Variants in SPIRE1 observed in about 807,000 individuals in gnomAD.
The protein encoded by SPIRE1 is protein spire homolog 1.
A neutral mutation model predicts 94.1 loss-of-function variants in SPIRE1; 40 were observed. That is an observed-to-expected ratio of 0.43 (90% CI 0.33 to 0.55). SPIRE1 has a LOEUF of 0.55. SPIRE1 is among the 20% of genes least tolerant of loss of function. The pLI is 0.06. For synonymous variants in SPIRE1, 376 were observed against 371.7 expected (o/e 1.01, Z -0.13); for missense variants, 838 against 975.2 (o/e 0.86, Z 1.87).
intron 10 of SPIRE1, among the ~76,000 whole-genome samples, chr18:12,475,319 T>C (rs2032520498): frequency 6.6e-6 from 1 of 152,202 alleles, no homozygotes; most frequent in African/African-American, 2.4e-5. Context: ...ACTTCTGTAG[T>C]GTCCAGTCAC....
chr18:12,485,394 C>A (rs559048891), intron 9 of SPIRE1, among the ~76,000 whole-genome samples: 1 of 152,146 alleles, frequency 6.6e-6, no homozygotes, highest in South Asian at 2.1e-4. Context: ...CGTGAGCCAC[C>A]GCGCCCGGCC....
intron 2 of SPIRE1, among the ~76,000 whole-genome samples, chr18:12,603,587 T>A (rs1429572415): frequency 6.6e-6 from 1 of 151,608 alleles, no homozygotes; most frequent in African/African-American, 2.4e-5. Flanking sequence ...TTTTTTTTTT[T>A]TTTTTGAGAT....
chr18:12,535,636 T>C, intron 3 of SPIRE1, 35 bp from the exon 4 acceptor site: 2 of 1,591,708 alleles, frequency 1.3e-6, no homozygotes, highest in South Asian at 1.1e-5. Context: ...TGGTGCTTGG[T>C]TACTATTTGG....
chr18:12,642,060 GA>G (rs2038101766), intron 1 of SPIRE1, among the ~76,000 whole-genome samples: 1 of 152,026 alleles, frequency 6.6e-6, no homozygotes, highest in Admixed American at 6.6e-5. Context: ...TCAATCTCCT[GA>G]CCTTGTGATC....
chr18:12,556,059 A>G (rs1351027739), intron 2 of SPIRE1, among the ~76,000 whole-genome samples: 2 of 152,178 alleles, frequency 1.3e-5, no homozygotes, highest in Admixed American at 1.3e-4. Context: ...CAAGAAAGTA[A>G]TCCCATTTAC....
At chr18:12,479,145 G>A (rs112294320) in intron 10 of SPIRE1, among the ~76,000 whole-genome samples, 2,179 of 148,378 alleles carry the variant, frequency 0.015, 53 homozygotes, top group African/African-American at 0.051. Context: ...GTGTGTGTGT[G>A]TATACATATA....
At chr18:12,620,684 C>T (rs1445946985) in intron 2 of SPIRE1, among the ~76,000 whole-genome samples, 1 of 152,086 alleles carries the variant, frequency 6.6e-6, no homozygotes, top group Non-Finnish European at 1.5e-5. Flanking sequence ...AATATAAGAA[C>T]CAAAACTATA....
chr18:12,479,491 T>C (rs2032760077), intron 10 of SPIRE1, among the ~76,000 whole-genome samples: 1 of 152,200 alleles, frequency 6.6e-6, no homozygotes, highest in Non-Finnish European at 1.5e-5. Context: ...TAGTGTTCTA[T>C]AATTATAGCC....
At chr18:12,621,444 A>AT (rs768475333) in intron 2 of SPIRE1, among the ~76,000 whole-genome samples, 2 of 152,232 alleles carry the variant, frequency 1.3e-5, no homozygotes, top group Non-Finnish European at 2.9e-5. Flanking sequence ...ACCATTACTC[A>AT]TAACAGCCAA....
chr18:12,640,683 C>T (rs1375203323), intron 1 of SPIRE1, among the ~76,000 whole-genome samples: 2 of 152,140 alleles, frequency 1.3e-5, no homozygotes, highest in Non-Finnish European at 2.9e-5. Flanking sequence ...TAAACAGAGA[C>T]CTTGAAGCTG....
intron 2 of SPIRE1, among the ~76,000 whole-genome samples, chr18:12,572,981 C>T (rs1474262062): frequency 6.6e-6 from 1 of 152,024 alleles, no homozygotes; most frequent in Non-Finnish European, 1.5e-5. Context: ...GATATGACAC[C>T]AAAACACAAC....
intron 6 of SPIRE1, among the ~76,000 whole-genome samples, chr18:12,499,875 T>C (rs2033596592): frequency 1.3e-5 from 2 of 152,176 alleles, no homozygotes; most frequent in Admixed American, 6.5e-5. Flanking sequence ...ATCCAGAATA[T>C]ATAAAGAACT....
chr18:12,538,391 G>A (rs1019902551), intron 3 of SPIRE1, among the ~76,000 whole-genome samples: 1 of 152,070 alleles, frequency 6.6e-6, no homozygotes, highest in African/African-American at 2.4e-5. Context: ...AGAGAGGACT[G>A]GTTTATGTAA....
intron 9 of SPIRE1, among the ~76,000 whole-genome samples, chr18:12,482,262 C>T (rs1023717208): frequency 2.0e-4 from 31 of 152,170 alleles, no homozygotes; most frequent in Admixed American, 1.8e-3. Context: ...CCTGCCTCAG[C>T]CTCCAGAGTA....
At chr18:12,503,035 G>C (rs930266963) in intron 6 of SPIRE1, among the ~76,000 whole-genome samples, 1 of 151,828 alleles carries the variant, frequency 6.6e-6, no homozygotes, top group African/African-American at 2.4e-5. Flanking sequence ...CGTGAACCCG[G>C]GAGGCGGAGC....
chr18:12,533,932 T>TACACACACACACAC lies in SPIRE1; in HGVS notation c.729+1530_729+1543dup, dbSNP rs10658152. On this transcript the variant is annotated intron_variant, in intron 4 of 16. Transcript: ENST00000409402. ...TGCTCAATGAGAACAGCTAATCCAT[T>TACACACACACACAC]ACACACACACACACACACACACACA... 1.0e-3 allele frequency among the ~76,000 whole-genome samples: 148 copies of TACACACACACACAC among 144,520 alleles called. 2 individuals are homozygous for TACACACACACACAC. The highest frequency in any genetic ancestry group is 3.5e-3 in the African/African-American group (133 of 38,314). The allele number at this position is 144,520 out of a possible 152,430, so 94.8% of individuals were successfully genotyped here. A position where few individuals can be genotyped will look rare whatever the true frequency, so the allele number is the denominator to read the frequency against.
At chr18:12,585,878 C>T (rs941617231) in intron 2 of SPIRE1, among the ~76,000 whole-genome samples, 1 of 152,150 alleles carries the variant, frequency 6.6e-6, no homozygotes, top group African/African-American at 2.4e-5. Context: ...CAGAAGAGCT[C>T]GGCAAACATT....
At chr18:12,526,799 T>A (rs894383157) in intron 4 of SPIRE1, among the ~76,000 whole-genome samples, 8 of 152,098 alleles carry the variant, frequency 5.3e-5, no homozygotes, top group Non-Finnish European at 7.4e-5. Flanking sequence ...GACCTCTGTC[T>A]CCTGAGTCCA....
chr18:12,658,027 C>A lies in SPIRE1; in HGVS notation c.-161G>T. 1 of 992,748 alleles carries A rather than the reference C, an allele frequency of 1.0e-6. No individual in the cohort carries two copies. The highest frequency in any genetic ancestry group is 1.2e-6 in the Non-Finnish European group (1 of 835,970). The allele number at this position is 992,748 out of a possible 1,614,324, so 61.5% of individuals were successfully genotyped here. On this transcript the variant is annotated 5_prime_UTR_variant, in exon 1 of 17. Coordinates refer to ENST00000409402, the MANE Select transcript of SPIRE1 (RefSeq NM_001128626.2). ...CGGGACCAGGCGAGTGCCCGGGAGGCGTGGGCAAGAGGAGGGCGGCGAGGA... is the reference window on the plus strand; with the variant it reads ...CGGGACCAGGCGAGTGCCCGGGAGGAGTGGGCAAGAGGAGGGCGGCGAGGA...
Sources: gnomAD v4.1 joint callset for allele counts (sites outside exome capture counted in the v4.1 genomes callset) on GRCh38, gnomAD v4.1.1 for gene constraint, MANE v1.5 for transcripts, NCBI Gene and HGNC (gene_info 2026-07-23, HGNC 2026-07-21) for gene names.